LRCH3: variants seen among roughly 807,000 people sequenced by gnomAD.
LRCH3 encodes the protein leucine rich repeats and calponin homology domain containing 3.
In LRCH3, 68 loss-of-function variants were observed where a neutral mutation model predicts 104.5. The observed-to-expected ratio is 0.65, with a 90% CI of 0.54 to 0.80. LRCH3 has a LOEUF of 0.80. LRCH3 is among the 30% of genes least tolerant of loss of function. The pLI is 0.00. For synonymous variants in LRCH3, 344 were observed against 361.3 expected (o/e 0.95, Z 0.54); for missense variants, 951 against 953.9 (o/e 1.00, Z 0.04).
chr3:197,791,422 T>A lies in LRCH3; in HGVS notation c.144T>A (p.Ser48=), dbSNP rs537557263. 35 of 1,593,736 alleles carry A rather than the reference T, an allele frequency of 2.2e-5. No homozygotes were observed. The South Asian group carries it at 3.9e-4, about 18-fold the overall frequency. ...PGFGPGSWSR[S]LDRALEEAAV... Reference sequence around the variant, plus strand: ...TTGGCCCGGGCTCGTGGAGCCGCTCTCTCGATCGAGCCCTGGAGGAGGCGG... The same window carrying A: ...TTGGCCCGGGCTCGTGGAGCCGCTCACTCGATCGAGCCCTGGAGGAGGCGG... The change falls in exon 1 of 21, where the codon TCT becomes TCA. Residue 48 remains serine (S), a synonymous_variant. Coordinates refer to ENST00000425562, the MANE Select transcript of LRCH3 (RefSeq NM_001365715.1).
In LRCH3 at chr3:197,856,364, G is replaced by A. The variant is rs911891292; in HGVS notation, c.1644+1919G>A. Among the ~76,000 whole-genome samples the A allele has an allele frequency of 5.3e-5, 8 of 151,672 alleles. No homozygotes were observed. Among genetic ancestry groups the A allele is most frequent in the South Asian group, 2.1e-4 (1 of 4,768 alleles). On this transcript the variant is annotated intron_variant, in intron 14 of 20. Transcript: ENST00000425562. This position sits in a 1 kb window ranked among gnomAD's most constrained non-coding sequence, Gnocchi z 4.2. ...TTTTTATCATGGTAGTTTTATTTGG[G>A]TGTTTATTATTTTATTTTGTATTTT... is the stretch of plus-strand genomic sequence containing the variant.
intron 10 of LRCH3, among the ~76,000 whole-genome samples, chr3:197,845,727 A>G (rs1738577777): frequency 6.6e-6 from 1 of 152,112 alleles, no homozygotes; most frequent in Non-Finnish European, 1.5e-5. Context: ...CAGCATGGTG[A>G]AACCCCGTCT....
chr3:197,882,678 G>A lies in LRCH3; in HGVS notation c.2209-863G>A, dbSNP rs1055981224. On this transcript the variant is annotated intron_variant, in intron 20 of 20. Coordinates refer to ENST00000425562, the MANE Select transcript of LRCH3 (RefSeq NM_001365715.1). ...TAACAGAAAGCTAGTGATAAATGCT[G>A]TTCTTAAGATTTGCCTTTTTCTCTC... 3.7e-5 allele frequency: 36 copies of A among 983,842 alleles called. No individual in the cohort carries two copies. The African/African-American group carries it at 5.4e-4, about 15-fold the overall frequency. 60.9% of individuals were successfully genotyped at this position (983,842 alleles called of 1,614,324 possible). A position where few individuals can be genotyped will look rare whatever the true frequency, so the allele number is the denominator to read the frequency against.
chr3:197,880,560 A>G (rs777116343), intron 20 of LRCH3: 4 of 1,536,344 alleles, frequency 2.6e-6, no homozygotes, highest in African/African-American at 1.4e-5. Flanking sequence ...CCTCAGCGTT[A>G]AAAGAACTGT....
intron 1 of LRCH3, among the ~76,000 whole-genome samples, chr3:197,802,531 C>T (rs374285243): frequency 2.0e-5 from 3 of 152,088 alleles, no homozygotes; most frequent in African/African-American, 7.2e-5. Context: ...TCGTAAAATG[C>T]GTTTGGAAGT....
chr3:197,881,474 G>C, intron 20 of LRCH3: 1 of 985,466 alleles, frequency 1.0e-6, no homozygotes, highest in Non-Finnish European at 1.2e-6. Flanking sequence ...TGTTTGTTAT[G>C]TGTGACTGAG....
At chr3:197,828,618 T>C (rs1292865759) in intron 5 of LRCH3, among the ~76,000 whole-genome samples, 1 of 151,894 alleles carries the variant, frequency 6.6e-6, no homozygotes, top group African/African-American at 2.4e-5. Flanking sequence ...GTGCTGGGAT[T>C]ACAGGTGTGA....
At chr3:197,804,466 C>T (rs1427321393) in intron 1 of LRCH3, among the ~76,000 whole-genome samples, 4 of 152,250 alleles carry the variant, frequency 2.6e-5, no homozygotes, top group African/African-American at 4.8e-5. Context: ...AAAAAACCTT[C>T]GTATGTCATC....
intron 12 of LRCH3, among the ~76,000 whole-genome samples, chr3:197,851,768 G>C (rs1451232712): frequency 1.3e-5 from 2 of 152,138 alleles, no homozygotes; most frequent in Non-Finnish European, 2.9e-5. Context: ...ACCTATAAGA[G>C]AGATGGTGAA....
intron 1 of LRCH3, among the ~76,000 whole-genome samples, chr3:197,802,757 A>G (rs1365362307): frequency 6.6e-6 from 1 of 152,208 alleles, no homozygotes; most frequent in Non-Finnish European, 1.5e-5. Context: ...CTTCTGAGTT[A>G]TCCAGTTTGT....
Position 197,810,373 on chromosome 3 carries a change from G to A in LRCH3, c.263-4535G>A, listed in dbSNP as rs1385061710. Among the ~76,000 whole-genome samples, 1 of 152,052 alleles carries A rather than the reference G, an allele frequency of 6.6e-6. No individual in the cohort carries two copies. The highest frequency in any genetic ancestry group is 2.1e-4 in the South Asian group (1 of 4,820). On this transcript the variant is annotated intron_variant, in intron 1 of 20. Transcript: ENST00000425562. The surrounding 1 kb of genome is among the most constrained non-coding windows in gnomAD (Gnocchi z 4.0). ...TCACCATGTTGGCCAGGCTGGTCTCGAACTGCTGACCTTAGGTGATTCACC... is the reference window on the plus strand; with the variant it reads ...TCACCATGTTGGCCAGGCTGGTCTCAAACTGCTGACCTTAGGTGATTCACC...
chr3:197,804,863 A>G (rs1413643982), intron 1 of LRCH3, among the ~76,000 whole-genome samples: 1 of 151,772 alleles, frequency 6.6e-6, no homozygotes, highest in Non-Finnish European at 1.5e-5. Context: ...AATAGAATCT[A>G]TCTGTACCTC....
chr3:197,850,276 A>C, intron 12 of LRCH3: 1 of 601,956 alleles, frequency 1.7e-6, no homozygotes, highest in Non-Finnish European at 2.9e-6. Flanking sequence ...CTTATTATGT[A>C]GTAGGCACTA....
Position 197,884,854 on chromosome 3 carries a change from C to G in LRCH3, c.*1188C>G, listed in dbSNP as rs1714075030. On this transcript the variant is annotated 3_prime_UTR_variant, in exon 21 of 21. Coordinates refer to ENST00000425562, the MANE Select transcript of LRCH3 (RefSeq NM_001365715.1). The stretch of plus-strand genomic sequence containing the variant: ...TCTGAAACTCCTGGGCTCAACTGAT[C>G]CTCCCGCCTCAGCCTCCCAAAGTGC... 6.6e-6 allele frequency: 1 copy of G among 152,100 alleles called. No homozygotes were observed. The allele number at this position is 152,100 out of a possible 1,614,324, so 9.4% of individuals were successfully genotyped here.
At chr3:197,867,839 A>G (rs1711533321) in intron 17 of LRCH3, among the ~76,000 whole-genome samples, 1 of 152,064 alleles carries the variant, frequency 6.6e-6, no homozygotes, top group Admixed American at 6.6e-5. Flanking sequence ...TGGGTGACAG[A>G]GCGAGACTCC....
chr3:197,828,076 C>A (rs374097668), intron 5 of LRCH3, among the ~76,000 whole-genome samples: 1,051 of 128,926 alleles, frequency 8.2e-3, no homozygotes, highest in Admixed American at 8.5e-3. Flanking sequence ...GACTCCGTCT[C>A]AAAAAAAAAA....
At chr3:197,851,034 A>AT (rs1739524329) in intron 12 of LRCH3, 1 of 745,646 alleles carries the variant, frequency 1.3e-6, no homozygotes, top group Non-Finnish European at 2.5e-6. Flanking sequence ...CTCAGAGAGA[A>AT]TAACAGTTTA....
chr3:197,836,157 GT>G, intron 9 of LRCH3, among the ~76,000 whole-genome samples: 1 of 152,224 alleles, frequency 6.6e-6, no homozygotes, highest in South Asian at 2.1e-4. Flanking sequence ...CTTTTTTATT[GT>G]TACTAACTGA....
chr3:197,837,834 G>C (rs1489851673), intron 9 of LRCH3, among the ~76,000 whole-genome samples: 6 of 151,852 alleles, frequency 4.0e-5, no homozygotes, highest in African/African-American at 1.5e-4. Flanking sequence ...ATCACTTGAG[G>C]TCAGGAGTTT....
Sources: allele counts gnomAD v4.1 joint callset (sites outside exome capture counted in the v4.1 genomes callset), GRCh38; gene constraint gnomAD v4.1.1; non-coding constraint Gnocchi (gnomAD v3.1); transcripts MANE v1.5; gene names NCBI Gene and HGNC (gene_info 2026-07-23, HGNC 2026-07-21).